The following PKN2 variants were observed in gnomAD, a reference collection of about 807,000 sequenced individuals.
PKN2 encodes the protein protein kinase N2.
In PKN2, 38 loss-of-function variants were observed where a neutral mutation model predicts 119.1. The ratio of observed to expected loss-of-function variants is 0.32; its 90% CI spans 0.25 to 0.42. The LOEUF (loss-of-function observed/expected upper bound fraction) is 0.42. Ranked by LOEUF, PKN2 falls within the 10% of genes least tolerant of loss-of-function variation. PKN2 has a pLI of 1.00. For missense variants in PKN2, 850 were observed against 1,165.1 expected, an observed-to-expected ratio of 0.73 and a Z score of 3.94; for synonymous variants, 390 against 384.9, an observed-to-expected ratio of 1.01 and a Z score of -0.15.
At chr1:88,790,997 G>A (rs1247190086) in intron 8 of PKN2, among the ~76,000 whole-genome samples, 2 of 152,192 alleles carry the variant, frequency 1.3e-5, no homozygotes, top group Admixed American at 1.3e-4. Flanking sequence ...TTAAAACTGA[G>A]AATATCAGTT....
In PKN2 at chr1:88,798,969, ATAG is replaced by A. The variant is rs1431453812; in HGVS notation, c.1282-5418_1282-5416del. On this transcript the variant is annotated intron_variant, in intron 8 of 21. Transcript: ENST00000370521. ...AATTTGGACTGGTATGGGGGAAAGA[ATAG>A]TAGGAAAATCTTATGTAACAATATA... is the stretch of plus-strand genomic sequence containing the variant. 1.1e-4 allele frequency among the ~76,000 whole-genome samples: 17 copies of A among 152,160 alleles called. No homozygotes were observed. In the South Asian group the frequency reaches 2.3e-3, roughly 20 times the overall value.
In PKN2 at chr1:88,772,636, C is replaced by G. The variant is rs542239151; in HGVS notation, c.985+757C>G. Among the ~76,000 whole-genome samples the G allele has an allele frequency of 2.0e-5, 3 of 152,262 alleles. No individual in the cohort carries two copies. The East Asian group carries it at 5.8e-4, about 29-fold the overall frequency. On this transcript the variant is annotated intron_variant, in intron 6 of 21. Transcript: ENST00000370521. The stretch of plus-strand genomic sequence containing the variant: ...ACTGTTGTGAGTAGACTGCTATGAA[C>G]ATTTACGTGCAGGTTTTTGCTTGAA...
rs1189747035 is a variant in PKN2, at chr1:88,784,162, G to A, written c.986-477G>A. Among the ~76,000 whole-genome samples, 3 of 132,228 alleles carry A rather than the reference G, an allele frequency of 2.3e-5. No individual in the cohort carries two copies. The South Asian group carries it at 7.5e-4, about 33-fold the overall frequency. 86.7% of individuals were successfully genotyped at this position (132,228 alleles called of 152,430 possible). A position where few individuals can be genotyped will look rare whatever the true frequency, so the allele number is the denominator to read the frequency against. ...TTTTTTTTTTTTTTTTTTGGAGAGA[G>A]AGTCTTGGTGGAATGCAGTGGTGCA... On this transcript the variant is annotated intron_variant, in intron 6 of 21. Coordinates refer to ENST00000370521, the MANE Select transcript of PKN2 (RefSeq NM_006256.4).
Position 88,771,772 on chromosome 1 carries a change from T to C in PKN2, c.878T>C (p.Ile293Thr), listed in dbSNP as rs371630794. 1.2e-5 allele frequency: 20 copies of C among 1,613,846 alleles called. No individual in the cohort carries two copies. Among genetic ancestry groups the C allele is most frequent in the African/African-American group, 2.7e-5 (2 of 74,912 alleles). Residue 293 changes from isoleucine (I) to threonine (T), a missense_variant, in exon 6 of 22, where the codon ATT (isoleucine) becomes ACT (threonine). Ile to Thr is a moderately conservative substitution (Grantham distance 89). This residue lies in a region of PKN2 where 350 missense variants were observed against 511.1 expected (regional missense o/e 0.68). Coordinates refer to ENST00000370521, the MANE Select transcript of PKN2 (RefSeq NM_006256.4). The part of the protein sequence containing the change: ...PKNHPKSRII[I>T]EELSLVAASP... The stretch of plus-strand genomic sequence containing the variant: ...AATCATCCCAAAAGCAGGATTATTA[T>C]TGAAGAACTTTCACTTGTTGCTGCA...
At chr1:88,701,743 A>G (rs1022251286) in intron 1 of PKN2, among the ~76,000 whole-genome samples, 5 of 152,198 alleles carry the variant, frequency 3.3e-5, no homozygotes, top group Non-Finnish European at 4.4e-5. Context: ...CCGAGTTTCC[A>G]TCTTTGAGAA....
chr1:88,732,546 TA>T (rs1232136272), intron 1 of PKN2, among the ~76,000 whole-genome samples: 3 of 152,188 alleles, frequency 2.0e-5, no homozygotes, highest in Non-Finnish European at 4.4e-5. Context: ...TTCTCTTTTC[TA>T]AAGTTGGTTT....
intron 1 of PKN2, among the ~76,000 whole-genome samples, chr1:88,699,334 T>A (rs1666673594): frequency 6.6e-6 from 1 of 152,232 alleles, no homozygotes; most frequent in African/African-American, 2.4e-5. Flanking sequence ...TGCAAATGTA[T>A]TTTTAATTAT....
chr1:88,796,247 G>A (rs1671058978), intron 8 of PKN2, among the ~76,000 whole-genome samples: 1 of 152,060 alleles, frequency 6.6e-6, no homozygotes, highest in Admixed American at 6.6e-5. Context: ...CCTCCAATGA[G>A]CATTGCCTTT....
At chr1:88,808,445 A>G (rs1332604678) in intron 15 of PKN2, among the ~76,000 whole-genome samples, 1 of 152,008 alleles carries the variant, frequency 6.6e-6, no homozygotes, top group Admixed American at 6.6e-5. Flanking sequence ...AGCTGGGACT[A>G]CAGACGCATG....
intron 8 of PKN2, among the ~76,000 whole-genome samples, chr1:88,801,846 G>T (rs1671324101): frequency 6.6e-6 from 1 of 152,176 alleles, no homozygotes; most frequent in African/African-American, 2.4e-5. Flanking sequence ...TATGCATTTG[G>T]GTTGTCCTTA....
At chr1:88,695,872 T>A (rs1342563703) in intron 1 of PKN2, among the ~76,000 whole-genome samples, 1 of 152,192 alleles carries the variant, frequency 6.6e-6, no homozygotes, top group African/African-American at 2.4e-5. Flanking sequence ...TTTAATACTG[T>A]TGTACCCTCA....
chr1:88,756,368 C>T (rs928679932), intron 2 of PKN2, among the ~76,000 whole-genome samples: 2 of 152,088 alleles, frequency 1.3e-5, no homozygotes, highest in South Asian at 2.1e-4. Flanking sequence ...ATTTATGTTG[C>T]GACAAAATTT....
intron 8 of PKN2, among the ~76,000 whole-genome samples, chr1:88,800,090 A>G (rs1671246026): frequency 6.6e-6 from 1 of 151,692 alleles, no homozygotes; most frequent in African/African-American, 2.4e-5. Context: ...CCTGGTTCTC[A>G]TTTTCTTCTT....
At chr1:88,725,562 T>G (rs1667863137) in intron 1 of PKN2, among the ~76,000 whole-genome samples, 1 of 152,216 alleles carries the variant, frequency 6.6e-6, no homozygotes, top group Non-Finnish European at 1.5e-5. Context: ...TGGTGAAGTA[T>G]CTGTTCAAGC....
At chr1:88,747,832 G>C (rs909754474) in intron 2 of PKN2, among the ~76,000 whole-genome samples, 1 of 152,058 alleles carries the variant, frequency 6.6e-6, no homozygotes, top group Admixed American at 6.5e-5. Context: ...TTGGGATTTT[G>C]TGGGGTTAAT....
chr1:88,808,247 G>A (rs944524264), intron 15 of PKN2, among the ~76,000 whole-genome samples: 2 of 151,534 alleles, frequency 1.3e-5, no homozygotes, highest in East Asian at 1.9e-4. Context: ...TGACCCTAAC[G>A]TCTGGGTCTA....
chr1:88,715,209 A>C (rs1189502914), intron 1 of PKN2, among the ~76,000 whole-genome samples: 1 of 152,148 alleles, frequency 6.6e-6, no homozygotes, highest in East Asian at 1.9e-4. Context: ...ATTGATGTTC[A>C]TCAGGGATAT....
At chr1:88,787,997 A>C (rs143432713) in intron 8 of PKN2, among the ~76,000 whole-genome samples, 90 of 152,342 alleles carry the variant, frequency 5.9e-4, no homozygotes, top group African/African-American at 2.1e-3. Flanking sequence ...AGATGGAAAC[A>C]TTTCAAGCGG....
At chr1:88,817,344 A>G (rs546023367) in intron 16 of PKN2, among the ~76,000 whole-genome samples, 3 of 146,998 alleles carry the variant, frequency 2.0e-5, no homozygotes, top group African/African-American at 7.5e-5. Flanking sequence ...CGACAGGCGG[A>G]GGTGGCAGTG....
Sources: allele counts gnomAD v4.1 joint callset (sites outside exome capture counted in the v4.1 genomes callset), GRCh38; gene constraint gnomAD v4.1.1; regional missense constraint gnomAD v4.1.1; transcripts MANE v1.5; gene names NCBI Gene and HGNC (gene_info 2026-07-23, HGNC 2026-07-21).